The following TOX2 variants were observed in gnomAD, a reference collection of about 807,000 sequenced individuals.
TOX2 encodes TOX high mobility group box family member 2, also known as granulosa cell HMG box 1.
A neutral mutation model predicts 47.4 loss-of-function variants in TOX2; 15 were observed. The ratio of observed to expected loss-of-function variants is 0.32; its 90% CI spans 0.21 to 0.49. The LOEUF is 0.49. Among genes scored for constraint, TOX2 ranks in the 20% least tolerant of loss-of-function variants. The probability of loss-of-function intolerance (pLI) is 0.99; values close to 1 mark genes in which losing one functional copy is unlikely to be tolerated. For missense variants in TOX2, 622 were observed against 673.1 expected, an observed-to-expected ratio of 0.92 and a Z score of 0.84; for synonymous variants, 290 against 296.6, an observed-to-expected ratio of 0.98 and a Z score of 0.23.
At position 44,054,178 on chromosome 20, in the gene TOX2, G is replaced by A. The variant is rs563200303; in HGVS notation, c.652-121G>A. On this transcript the variant is annotated intron_variant, in intron 4 of 8. Transcript: ENST00000341197. ...CTGTCCATTGCCCCCTCCATCGCGC[G>A]AGTGGTTATCTGTGCATGAGCAGGG... is the stretch of plus-strand genomic sequence containing the variant. The A allele has an allele frequency of 2.1e-4, 210 of 1,017,690 alleles. 1 individual carries two copies. In the South Asian group the frequency reaches 2.3e-3, roughly 11 times the overall value. 63.0% of individuals were successfully genotyped at this position (1,017,690 alleles called of 1,614,324 possible).
chr20:44,017,061 G>A (rs1409287233), intron 3 of TOX2, among the ~76,000 whole-genome samples: 2 of 152,180 alleles, frequency 1.3e-5, no homozygotes, highest in African/African-American at 4.8e-5. Flanking sequence ...GCTGGGCCTG[G>A]GCCTTGTGTC....
At chr20:44,068,406 G>T (rs2071872820) in intron 8 of TOX2, among the ~76,000 whole-genome samples, 1 of 151,936 alleles carries the variant, frequency 6.6e-6, no homozygotes, top group Admixed American at 6.6e-5. Flanking sequence ...AGACAGACAC[G>T]CTACTGCCCT....
Position 44,006,780 on chromosome 20 carries a change from C to A in TOX2, c.399C>A (p.Gly133=). The part of the protein sequence containing the change: ...MLAQDSHLLS[G]QLPTIQEMVH... ...CACAGGACAGCCACCTGCTGTCGGGCCAGCTGCCCACGGTGAGTCCCTATC... is the reference window on the plus strand; with the variant it reads ...CACAGGACAGCCACCTGCTGTCGGGACAGCTGCCCACGGTGAGTCCCTATC... The change falls in exon 3 of 9, where the codon GGC becomes GGA. Residue 133 remains glycine, a synonymous_variant. Coordinates refer to ENST00000341197, the MANE Select transcript of TOX2 (RefSeq NM_001098797.2). 1.2e-6 allele frequency: 2 copies of A among 1,613,302 alleles called. No individual in the cohort carries two copies. The highest frequency in any genetic ancestry group is 8.5e-7 in the Non-Finnish European group (1 of 1,179,916).
intron 3 of TOX2, among the ~76,000 whole-genome samples, chr20:44,019,999 A>C (rs568458715): frequency 4.6e-5 from 7 of 152,312 alleles, no homozygotes; most frequent in South Asian, 4.2e-4. Context: ...CCCCGGGATT[A>C]GGAGGTAGGG....
intron 1 of TOX2, among the ~76,000 whole-genome samples, chr20:43,945,073 A>G (rs1335847602): frequency 6.6e-6 from 1 of 152,228 alleles, no homozygotes; most frequent in African/African-American, 2.4e-5. Context: ...TGGCTTCAGA[A>G]GAGTGGAAAG....
At chr20:44,030,776 C>T (rs1482999089) in intron 3 of TOX2, among the ~76,000 whole-genome samples, 2 of 152,182 alleles carry the variant, frequency 1.3e-5, no homozygotes, top group Admixed American at 1.3e-4. Context: ...TATAAAGTGA[C>T]ACATGCCTTC....
intron 2 of TOX2, among the ~76,000 whole-genome samples, chr20:43,997,693 C>T (rs947326649): frequency 1.4e-4 from 21 of 151,874 alleles, no homozygotes; most frequent in African/African-American, 5.1e-4. Context: ...CTATTTCTAC[C>T]ATCTTGAGTT....
At chr20:44,025,048 T>C (rs2071038720) in intron 3 of TOX2, among the ~76,000 whole-genome samples, 1 of 152,240 alleles carries the variant, frequency 6.6e-6, no homozygotes, top group African/African-American at 2.4e-5. Flanking sequence ...GGGTGTTTCA[T>C]CATGTACTTA....
intron 4 of TOX2, among the ~76,000 whole-genome samples, chr20:44,053,613 T>TATAC (rs1555846950): frequency 1.4e-5 from 2 of 146,770 alleles, no homozygotes; most frequent in Non-Finnish European, 3.0e-5. Context: ...TATATACATA[T>TATAC]ACACACACAC....
chr20:43,944,826 C>A (rs763646063), intron 1 of TOX2, among the ~76,000 whole-genome samples: 1 of 152,108 alleles, frequency 6.6e-6, no homozygotes, highest in Non-Finnish European at 1.5e-5. Context: ...TACTATTATC[C>A]CCATTTTACA....
At chr20:44,001,155 TAGAG>T (rs925909742) in intron 2 of TOX2, among the ~76,000 whole-genome samples, 4 of 152,146 alleles carry the variant, frequency 2.6e-5, no homozygotes, top group African/African-American at 9.7e-5. Context: ...ATGCCAGTGG[TAGAG>T]AGAAAATTAG....
intron 3 of TOX2, among the ~76,000 whole-genome samples, chr20:44,008,489 G>A: frequency 6.6e-6 from 1 of 152,104 alleles, no homozygotes; most frequent in Admixed American, 6.5e-5. Context: ...GAACCTGGGA[G>A]GTAAAGGTTG....
chr20:44,068,795 G>C lies in TOX2; in HGVS notation c.*109G>C, dbSNP rs879163221. On this transcript the variant is annotated 3_prime_UTR_variant, in exon 9 of 9. Coordinates refer to ENST00000341197, the MANE Select transcript of TOX2 (RefSeq NM_001098797.2). Reference sequence around the variant, plus strand: ...CAGAGGCAGGGTGGCCCATCGGAGAGAGCAGTGACACACCCATTGCCCGGG... The same window carrying C: ...CAGAGGCAGGGTGGCCCATCGGAGACAGCAGTGACACACCCATTGCCCGGG... 4.1e-6 allele frequency: 6 copies of C among 1,446,706 alleles called. No homozygotes were observed. Among genetic ancestry groups the C allele is most frequent in the Non-Finnish European group, 5.7e-6 (6 of 1,045,740 alleles). The allele number at this position is 1,446,706 out of a possible 1,614,324, so 89.6% of individuals were successfully genotyped here.
At chr20:43,955,108 A>G (rs1029072911) in intron 1 of TOX2, 2 of 356,892 alleles carry the variant, frequency 5.6e-6, no homozygotes, top group South Asian at 1.1e-4. Flanking sequence ...GTGAATATTC[A>G]TATGTTCCAC....
At chr20:43,995,305 C>T (rs2070452921) in intron 2 of TOX2, among the ~76,000 whole-genome samples, 2 of 152,050 alleles carry the variant, frequency 1.3e-5, no homozygotes, top group Non-Finnish European at 2.9e-5. Context: ...TAATTTGACT[C>T]GGTCATTATG....
intron 3 of TOX2, among the ~76,000 whole-genome samples, chr20:44,010,519 T>G (rs2070761046): frequency 6.6e-6 from 1 of 152,154 alleles, no homozygotes; most frequent in Admixed American, 6.5e-5. Context: ...GATAAGGAGA[T>G]GTACATGCAT....
intron 1 of TOX2, among the ~76,000 whole-genome samples, chr20:43,923,776 T>C (rs575946670): frequency 2.6e-5 from 4 of 151,988 alleles, no homozygotes; most frequent in African/African-American, 7.2e-5. Context: ...TCGTGGAAGG[T>C]TTATGTGGGG....
intron 2 of TOX2, among the ~76,000 whole-genome samples, chr20:44,005,553 C>T (rs886363351): frequency 6.6e-6 from 1 of 152,150 alleles, no homozygotes; most frequent in Non-Finnish European, 1.5e-5. Flanking sequence ...CCAACAAAAC[C>T]CAACAATCTA....
intron 3 of TOX2, among the ~76,000 whole-genome samples, chr20:44,029,741 G>C (rs2071120870): frequency 6.6e-6 from 1 of 152,110 alleles, no homozygotes; most frequent in African/African-American, 2.4e-5. Flanking sequence ...CCTGCTTACT[G>C]TCTCCTCTCT....
Sources: allele counts gnomAD v4.1 joint callset (sites outside exome capture counted in the v4.1 genomes callset), GRCh38; gene constraint gnomAD v4.1.1; transcripts MANE v1.5; gene names NCBI Gene and HGNC (gene_info 2026-07-23, HGNC 2026-07-21).